HDAC9: variants seen among roughly 807,000 people sequenced by gnomAD.
HDAC9 encodes histone deacetylase 9, also known as MEF-2 interacting transcription repressor (MITR) protein.
HDAC9 carries 41 observed loss-of-function variants against 139.4 expected under a neutral mutation model. That is an observed-to-expected ratio of 0.29 (90% confidence interval 0.23 to 0.38). The LOEUF is 0.38. HDAC9 is among the 10% of genes least tolerant of loss of function. HDAC9 has a pLI of 1.00. For missense variants in HDAC9, 1,147 were observed against 1,297.0 expected (o/e 0.88, Z 1.78); for synonymous variants, 517 against 476.2 (o/e 1.09, Z -1.12).
intron 2 of HDAC9, among the ~76,000 whole-genome samples, chr7:18,187,505 C>G (rs2892885): frequency 0.19 from 29,243 of 152,132 alleles, 3,257 homozygotes; most frequent in African/African-American, 0.31. Context: ...TTCTTAGCCA[C>G]CTGTGGTTAA....
intron 1 of HDAC9, among the ~76,000 whole-genome samples, chr7:18,159,282 A>G (rs1418289765): frequency 6.6e-6 from 1 of 152,112 alleles, no homozygotes; most frequent in Admixed American, 6.6e-5. Context: ...TTTGTTATCT[A>G]CCTACCTGAA....
intron 1 of HDAC9, among the ~76,000 whole-genome samples, chr7:18,306,540 T>C (rs1677243869): frequency 6.6e-6 from 1 of 152,134 alleles, no homozygotes; most frequent in Non-Finnish European, 1.5e-5. Flanking sequence ...CTGAGTAATA[T>C]AGGGGTAGTT....
intron 8 of HDAC9, among the ~76,000 whole-genome samples, chr7:18,642,845 G>A (rs1331207460): frequency 2.0e-5 from 3 of 152,012 alleles, no homozygotes; most frequent in Non-Finnish European, 4.4e-5. Flanking sequence ...TTCTCTCTGG[G>A]AAACAAAGAA....
At chr7:18,292,610 A>G (rs1345166983) in intron 1 of HDAC9, among the ~76,000 whole-genome samples, 2 of 152,164 alleles carry the variant, frequency 1.3e-5, no homozygotes, top group Non-Finnish European at 2.9e-5. Flanking sequence ...ACAGGTAAAA[A>G]AAAAGAAATG....
At chr7:18,677,367 ATTTG>A (rs143240718) in intron 12 of HDAC9, among the ~76,000 whole-genome samples, 13,788 of 151,768 alleles carry the variant, frequency 0.091, 678 homozygotes, top group East Asian at 0.15. Flanking sequence ...ATATGCCACA[ATTTG>A]TTTATGTATT....
chr7:18,966,768 G>A (rs1783883428), intron 24 of HDAC9, among the ~76,000 whole-genome samples: 1 of 152,074 alleles, frequency 6.6e-6, no homozygotes, highest in South Asian at 2.1e-4. Flanking sequence ...AGTTAGGTGT[G>A]AATAAAGTAT....
At chr7:18,539,038 T>C (rs1401284177) in intron 2 of HDAC9, among the ~76,000 whole-genome samples, 1 of 152,156 alleles carries the variant, frequency 6.6e-6, no homozygotes, top group Admixed American at 6.5e-5. Flanking sequence ...TCTACCCTGA[T>C]GACCTTATCT....
intron 1 of HDAC9, among the ~76,000 whole-genome samples, chr7:18,465,274 T>A (rs1794175461): frequency 6.6e-6 from 1 of 152,064 alleles, no homozygotes; most frequent in Non-Finnish European, 1.5e-5. Context: ...AAGATTCCCA[T>A]TATTTTTAAA....
In HDAC9 at chr7:18,970,709, T is replaced by C. The variant is rs114535218; in HGVS notation, c.3023-5097T>C. Among the ~76,000 whole-genome samples the C allele has an allele frequency of 9.5e-3, 1,444 of 152,216 alleles. 31 individuals are homozygous for C. Among genetic ancestry groups the C allele is most frequent in the African/African-American group, 0.033 (1,387 of 41,528 alleles). ...CCCCAGGTGTTAATAATTTCTGTGG[T>C]TGAAGGAGATAGCAAGAGGTTAAGA... On this transcript the variant is annotated intron_variant, in intron 24 of 25. Coordinates refer to ENST00000686413, the MANE Select transcript of HDAC9 (RefSeq NM_178425.4).
chr7:18,744,934 A>G (rs1452602408), intron 13 of HDAC9, among the ~76,000 whole-genome samples: 3 of 152,168 alleles, frequency 2.0e-5, no homozygotes, highest in Non-Finnish European at 2.9e-5. Flanking sequence ...TTTAAAATGC[A>G]GGTAAATATT....
intron 1 of HDAC9, among the ~76,000 whole-genome samples, chr7:18,118,571 A>G (rs916833134): frequency 1.3e-5 from 2 of 152,222 alleles, no homozygotes; most frequent in African/African-American, 2.4e-5. Flanking sequence ...GATATAACAG[A>G]GGAATTTAAT....
rs1264618893 is a variant in HDAC9 at position 19,001,373 on chromosome 7, A to G, written c.*5311A>G. On this transcript the variant is annotated 3_prime_UTR_variant, in exon 26 of 26. Coordinates refer to ENST00000686413, the MANE Select transcript of HDAC9 (RefSeq NM_178425.4). ...AGGCACAATAGAAGCAAATGTTGCA[A>G]TATTAAATATAATAGGGAGAGTTCA... The G allele has an allele frequency of 5.9e-5, 9 of 152,086 alleles. No individual in the cohort carries two copies. The highest frequency in any genetic ancestry group is 2.4e-5 in the African/African-American group (1 of 41,426). The allele number at this position is 152,086 out of a possible 1,614,324, so 9.4% of individuals were successfully genotyped here. A position where few individuals can be genotyped will look rare whatever the true frequency, so the allele number is the denominator to read the frequency against.
At chr7:18,424,649 C>T (rs531133342) in intron 1 of HDAC9, among the ~76,000 whole-genome samples, 3 of 152,292 alleles carry the variant, frequency 2.0e-5, no homozygotes, top group African/African-American at 4.8e-5. Context: ...TGGCTCATGC[C>T]TGTAATCCCA....
At chr7:18,183,262 G>A (rs991786668) in intron 2 of HDAC9, among the ~76,000 whole-genome samples, 2 of 152,152 alleles carry the variant, frequency 1.3e-5, no homozygotes, top group African/African-American at 2.4e-5. Flanking sequence ...GCCCGCCTCG[G>A]CCTCCCAAAG....
At chr7:18,331,458 AATATAGC>A in intron 1 of HDAC9, among the ~76,000 whole-genome samples, 1 of 151,800 alleles carries the variant, frequency 6.6e-6, no homozygotes, top group Non-Finnish European at 1.5e-5. Context: ...GTAGCTGAGG[AATATAGC>A]ACTACCTTTT....
intron 17 of HDAC9, among the ~76,000 whole-genome samples, chr7:18,802,171 T>C (rs1793355927): frequency 6.6e-6 from 1 of 151,962 alleles, no homozygotes. Context: ...TATAAATTTT[T>C]CTTTAAGTAC....
chr7:18,856,774 T>A (rs1797713003), intron 21 of HDAC9, among the ~76,000 whole-genome samples: 1 of 152,172 alleles, frequency 6.6e-6, no homozygotes, highest in African/African-American at 2.4e-5. Flanking sequence ...TTGGTGAATG[T>A]GAACAATACA....
chr7:18,573,231 G>T (rs1824885920), intron 2 of HDAC9, among the ~76,000 whole-genome samples: 1 of 152,172 alleles, frequency 6.6e-6, no homozygotes, highest in African/African-American at 2.4e-5. Context: ...AGGGAGAATT[G>T]TATTTCTGGA....
intron 19 of HDAC9, among the ~76,000 whole-genome samples, chr7:18,830,972 T>C (rs1405782149): frequency 6.6e-6 from 1 of 152,226 alleles, no homozygotes; most frequent in Non-Finnish European, 1.5e-5. Context: ...ACTTTAAAAA[T>C]AGTATGCTCC....
Sources: allele counts gnomAD v4.1 joint callset (sites outside exome capture counted in the v4.1 genomes callset), GRCh38; gene constraint gnomAD v4.1.1; transcripts MANE v1.5; gene names NCBI Gene and HGNC (gene_info 2026-07-23, HGNC 2026-07-21).